The following PTPRD variants were observed in gnomAD, a reference collection of about 807,000 sequenced individuals.
PTPRD encodes the protein receptor-type tyrosine-protein phosphatase delta.
Under a neutral mutation model 214.5 loss-of-function variants are expected in PTPRD, and 34 were observed. The ratio of observed to expected loss-of-function variants is 0.16; its 90% CI spans 0.12 to 0.21. The LOEUF (loss-of-function observed/expected upper bound fraction) is 0.21, where lower values mean the gene tolerates loss of function less well. Ranked by LOEUF, PTPRD falls within the 10% of genes least tolerant of loss-of-function variation. PTPRD has a pLI of 1.00. For missense variants in PTPRD, 2,545 were observed against 2,398.7 expected (o/e 1.06, Z -1.27); for synonymous variants, 1,128 against 845.7 (o/e 1.33, Z -5.79).
chr9:9,271,571 A>G (rs2132831403), intron 9 of PTPRD, among the ~76,000 whole-genome samples: 1 of 151,520 alleles, frequency 6.6e-6, no homozygotes, highest in East Asian at 2.0e-4. Context: ...AGCAAAATAC[A>G]CTAATTAAAT....
rs747767176 is a variant in PTPRD at position 8,769,270 on chromosome 9, CTATT to C, written c.-103-35328_-103-35325del. On this transcript the variant is annotated intron_variant, in intron 11 of 45. Coordinates refer to ENST00000381196, the MANE Select transcript of PTPRD (RefSeq NM_002839.4). Reference sequence around the variant, plus strand: ...CGGAATTTCTTTATTTACTCACTCACTATTTATATATCTTTGTTTAGTTTCCTCA... The same window carrying C: ...CGGAATTTCTTTATTTACTCACTCACTATATATCTTTGTTTAGTTTCCTCA... Among the ~76,000 whole-genome samples, 11 of 152,152 alleles carry C rather than the reference CTATT, an allele frequency of 7.2e-5. No individual in the cohort carries two copies. The East Asian group carries it at 1.2e-3, about 16-fold the overall frequency.
intron 11 of PTPRD, among the ~76,000 whole-genome samples, chr9:8,786,977 C>T (rs867474434): frequency 3.9e-5 from 6 of 151,998 alleles, no homozygotes; most frequent in African/African-American, 4.8e-5. Flanking sequence ...GCTGGGACTA[C>T]AGGTGCGCAC....
intron 3 of PTPRD, among the ~76,000 whole-genome samples, chr9:10,225,210 TAGTA>T (rs1305890545): frequency 6.6e-6 from 1 of 151,894 alleles, no homozygotes; most frequent in African/African-American, 2.4e-5. Context: ...TAGTAGTTTA[TAGTA>T]AAAAGATATT....
At chr9:10,401,296 A>G (rs1183527347) in intron 2 of PTPRD, among the ~76,000 whole-genome samples, 1 of 151,536 alleles carries the variant, frequency 6.6e-6, no homozygotes, top group Non-Finnish European at 1.5e-5. Flanking sequence ...CAAGGACAGG[A>G]GCTAGGTTCT....
At chr9:10,180,855 G>A (rs1483356730) in intron 3 of PTPRD, among the ~76,000 whole-genome samples, 2 of 151,958 alleles carry the variant, frequency 1.3e-5, no homozygotes, top group Non-Finnish European at 2.9e-5. Flanking sequence ...ATGATTTTAT[G>A]AAGTTAAAAA....
At chr9:8,542,670 G>C (rs951120597) in intron 14 of PTPRD, among the ~76,000 whole-genome samples, 2 of 152,222 alleles carry the variant, frequency 1.3e-5, no homozygotes, top group African/African-American at 4.8e-5. Flanking sequence ...TACAAAGCAA[G>C]TGTCTGTCAG....
At chr9:8,362,301 C>T (rs1299785518) in intron 39 of PTPRD, among the ~76,000 whole-genome samples, 1 of 151,992 alleles carries the variant, frequency 6.6e-6, no homozygotes, top group South Asian at 2.1e-4. Flanking sequence ...ACTATTGTAC[C>T]CTACAAACCA....
chr9:8,918,341 G>A (rs2098801510), intron 11 of PTPRD, among the ~76,000 whole-genome samples: 1 of 152,154 alleles, frequency 6.6e-6, no homozygotes, highest in Admixed American at 6.5e-5. Flanking sequence ...GCCCAAGACT[G>A]GAAGTACACA....
intron 14 of PTPRD, among the ~76,000 whole-genome samples, chr9:8,564,470 C>G (rs903784916): frequency 3.9e-5 from 6 of 151,988 alleles, no homozygotes; most frequent in Non-Finnish European, 8.8e-5. Flanking sequence ...AAGCTGGAGG[C>G]GGGCGGATCA....
intron 8 of PTPRD, among the ~76,000 whole-genome samples, chr9:9,563,895 T>A (rs926269884): frequency 3.9e-5 from 6 of 152,184 alleles, no homozygotes; most frequent in Admixed American, 3.9e-4. Flanking sequence ...TCCATTGATA[T>A]CCTGGCTTTC....
intron 2 of PTPRD, among the ~76,000 whole-genome samples, chr9:10,523,612 T>TAGAGAGAGAGAG (rs1230200170): frequency 3.1e-5 from 3 of 96,550 alleles, no homozygotes; most frequent in African/African-American, 9.7e-5. Context: ...TATATATATA[T>TAGAGAGAGAGAG]ATATATATAT....
intron 14 of PTPRD, among the ~76,000 whole-genome samples, chr9:8,621,938 T>A (rs2095839968): frequency 6.6e-6 from 1 of 151,938 alleles, no homozygotes; most frequent in African/African-American, 2.4e-5. Flanking sequence ...TCCTCAAGGG[T>A]TAAAATGCCT....
At chr9:8,345,821 T>G (rs981273227) in intron 39 of PTPRD, among the ~76,000 whole-genome samples, 1 of 152,098 alleles carries the variant, frequency 6.6e-6, no homozygotes, top group Non-Finnish European at 1.5e-5. Flanking sequence ...GTTTTGTTTT[T>G]TTTATTTGAC....
intron 11 of PTPRD, among the ~76,000 whole-genome samples, chr9:8,949,836 G>T (rs773211820): frequency 3.9e-5 from 6 of 152,098 alleles, no homozygotes; most frequent in Non-Finnish European, 7.4e-5. Context: ...TTTGAATTTT[G>T]ATTGTTGCCT....
chr9:9,150,434 T>C (rs999892609), intron 10 of PTPRD, among the ~76,000 whole-genome samples: 2 of 147,428 alleles, frequency 1.4e-5, no homozygotes, highest in African/African-American at 4.9e-5. Flanking sequence ...TAATATATTA[T>C]ATATAATATA....
chr9:9,286,262 G>C (rs892966847), intron 9 of PTPRD, among the ~76,000 whole-genome samples: 3 of 151,704 alleles, frequency 2.0e-5, no homozygotes, highest in African/African-American at 7.3e-5. Context: ...TATTATAATA[G>C]GCTCCAAAAG....
At chr9:9,026,810 C>A (rs2099588868) in intron 10 of PTPRD, among the ~76,000 whole-genome samples, 1 of 151,848 alleles carries the variant, frequency 6.6e-6, no homozygotes, top group Non-Finnish European at 1.5e-5. Flanking sequence ...TTATAGCTTT[C>A]TCATTCTCTA....
intron 11 of PTPRD, among the ~76,000 whole-genome samples, chr9:8,937,733 T>C (rs945014503): frequency 6.6e-6 from 1 of 152,212 alleles, no homozygotes; most frequent in Non-Finnish European, 1.5e-5. Context: ...AAGCTTACAA[T>C]TAAACAACTG....
chr9:9,906,772 G>GT (rs1463402775), intron 5 of PTPRD, among the ~76,000 whole-genome samples: 1 of 151,900 alleles, frequency 6.6e-6, no homozygotes, highest in Non-Finnish European at 1.5e-5. Context: ...TGTACATGGA[G>GT]TTTTTTGTTA....
Sources: allele counts gnomAD v4.1 joint callset (sites outside exome capture counted in the v4.1 genomes callset), GRCh38; gene constraint gnomAD v4.1.1; transcripts MANE v1.5; gene names NCBI Gene and HGNC (gene_info 2026-07-23, HGNC 2026-07-21).